TOX2: variants seen among roughly 807,000 people sequenced by gnomAD.
The protein encoded by TOX2 is TOX high mobility group box family member 2, also known as granulosa cell HMG box 1.
In TOX2, 15 loss-of-function variants were observed where a neutral mutation model predicts 47.4. That is an observed-to-expected ratio of 0.32 (90% CI 0.21 to 0.49). TOX2 has a LOEUF of 0.49. TOX2 is among the 20% of genes least tolerant of loss of function. The pLI is 0.99. For missense variants in TOX2, 622 were observed against 673.1 expected (o/e 0.92, Z 0.84); for synonymous variants, 290 against 296.6 (o/e 0.98, Z 0.23).
At chr20:44,012,052 G>A (rs1325226881) in intron 3 of TOX2, among the ~76,000 whole-genome samples, 1 of 152,178 alleles carries the variant, frequency 6.6e-6, no homozygotes, top group Admixed American at 6.5e-5. Flanking sequence ...GATATATTTT[G>A]CCGGTTTAAT....
chr20:44,005,841 A>G (rs1299663765), intron 2 of TOX2, among the ~76,000 whole-genome samples: 1 of 152,088 alleles, frequency 6.6e-6, no homozygotes, highest in Non-Finnish European at 1.5e-5. Context: ...TTGTGGTGAA[A>G]TATTGAGCTC....
chr20:43,976,673 G>A (rs916941992), intron 2 of TOX2, among the ~76,000 whole-genome samples: 1 of 152,148 alleles, frequency 6.6e-6, no homozygotes, highest in African/African-American at 2.4e-5. Context: ...ATAGCTCCTT[G>A]CAGCTCAGTG....
At chr20:43,973,105 C>A (rs1047729513) in intron 1 of TOX2, among the ~76,000 whole-genome samples, 1 of 152,228 alleles carries the variant, frequency 6.6e-6, no homozygotes, top group African/African-American at 2.4e-5. Flanking sequence ...TTATAGAGGG[C>A]AGAAAGGTTT....
chr20:44,023,287 G>C (rs1331939493), intron 3 of TOX2, among the ~76,000 whole-genome samples: 1 of 151,496 alleles, frequency 6.6e-6, no homozygotes, highest in Admixed American at 6.6e-5. Context: ...AAATTTAGCT[G>C]GATGTGGTGG....
intron 5 of TOX2, among the ~76,000 whole-genome samples, chr20:44,061,628 C>T (rs1368422428): frequency 6.6e-6 from 1 of 151,890 alleles, no homozygotes; most frequent in African/African-American, 2.4e-5. Context: ...AGCAATCAGA[C>T]AAGAGAAAGA....
At chr20:43,955,378 G>T (rs1371383611) in intron 1 of TOX2, 109 of 901,240 alleles carry the variant, frequency 1.2e-4, no homozygotes, top group Non-Finnish European at 1.4e-4. Flanking sequence ...CTGGCTTCTG[G>T]TTTCTTGGCA....
intron 1 of TOX2, among the ~76,000 whole-genome samples, chr20:43,928,002 G>A (rs1183930154): frequency 1.3e-5 from 2 of 152,190 alleles, no homozygotes; most frequent in Admixed American, 6.5e-5. Context: ...GGGACCACCA[G>A]GCTAGGCTGG....
intron 1 of TOX2, among the ~76,000 whole-genome samples, chr20:43,954,927 C>A (rs2069640798): frequency 6.6e-6 from 1 of 152,166 alleles, no homozygotes; most frequent in Non-Finnish European, 1.5e-5. Context: ...GAGGGACAGC[C>A]TTCTAGCACG....
At chr20:44,064,640 C>A in intron 5 of TOX2, 137 bp from the exon 6 acceptor site, 1 of 767,706 alleles carries the variant, frequency 1.3e-6, no homozygotes, top group Non-Finnish European at 2.2e-6. Flanking sequence ...GGGCCAGTGG[C>A]TGGCTGACTC....
At chr20:43,946,904 G>A (rs1041921147) in intron 1 of TOX2, among the ~76,000 whole-genome samples, 4 of 152,204 alleles carry the variant, frequency 2.6e-5, no homozygotes, top group Non-Finnish European at 4.4e-5. Context: ...ATTTATCACA[G>A]CCATTGTTGA....
chr20:43,987,365 G>A (rs79465216), intron 2 of TOX2, among the ~76,000 whole-genome samples: 345 of 152,304 alleles, frequency 2.3e-3, no homozygotes, highest in African/African-American at 7.8e-3. Flanking sequence ...ACCCTAGAGG[G>A]GGGTGGGGAG....
chr20:43,980,041 A>G (rs1197630318), intron 2 of TOX2, among the ~76,000 whole-genome samples: 2 of 152,228 alleles, frequency 1.3e-5, no homozygotes, highest in African/African-American at 4.8e-5. Flanking sequence ...TACCCCAAAG[A>G]AAGGAAATCA....
chr20:43,916,333 G>A lies in TOX2; in HGVS notation c.99+1343G>A, dbSNP rs13043229. On this transcript the variant is annotated intron_variant, in intron 1 of 8. Coordinates refer to ENST00000341197, the MANE Select transcript of TOX2 (RefSeq NM_001098797.2). This position sits in a 1 kb window ranked among gnomAD's most constrained non-coding sequence, Gnocchi z 5.0. ...AGAGGCGTCCCGGCGCGGATCCCGG[G>A]GCCTCCCGGGCTGGGCCTCCCTGAG... The A allele has an allele frequency of 0.28, 210,665 of 759,896 alleles. 29,590 individuals are homozygous for A. Among genetic ancestry groups the A allele is most frequent in the East Asian group, 0.47 (3,683 of 7,768 alleles). The allele number at this position is 759,896 out of a possible 1,614,324, so 47.1% of individuals were successfully genotyped here. A position where few individuals can be genotyped will look rare whatever the true frequency, so the allele number is the denominator to read the frequency against.
chr20:43,917,125 T>G (rs1311716740), intron 1 of TOX2, among the ~76,000 whole-genome samples: 1 of 152,154 alleles, frequency 6.6e-6, no homozygotes, highest in Non-Finnish European at 1.5e-5. Flanking sequence ...GACTTTGCAC[T>G]TGGATGTGAA....
intron 5 of TOX2, among the ~76,000 whole-genome samples, chr20:44,063,448 C>CA (rs201703177): frequency 0.015 from 2,302 of 152,034 alleles, 35 homozygotes; most frequent in Middle Eastern, 0.051. Context: ...TGTCCATAAT[C>CA]AAAAAATAGA....
chr20:43,939,334 TTCA>T (rs1307282801), intron 1 of TOX2, among the ~76,000 whole-genome samples: 17 of 152,162 alleles, frequency 1.1e-4, no homozygotes, highest in Non-Finnish European at 2.2e-4. Context: ...GCATAGGGAT[TTCA>T]TCATATTGGG....
At chr20:44,030,958 C>G (rs1356849717) in intron 3 of TOX2, among the ~76,000 whole-genome samples, 1 of 152,176 alleles carries the variant, frequency 6.6e-6, no homozygotes, top group East Asian at 1.9e-4. Context: ...TCCTTAAAAA[C>G]CCTCAGTAAC....
chr20:44,060,018 A>C (rs1401863238), intron 5 of TOX2, among the ~76,000 whole-genome samples: 2 of 152,216 alleles, frequency 1.3e-5, no homozygotes, highest in Non-Finnish European at 2.9e-5. Flanking sequence ...GACTCACCTG[A>C]CACATAAGGA....
chr20:43,938,298 C>T (rs975145638), intron 1 of TOX2, among the ~76,000 whole-genome samples: 5 of 152,212 alleles, frequency 3.3e-5, no homozygotes, highest in Non-Finnish European at 5.9e-5. Context: ...CAACTCCACC[C>T]GCTGTGGGAT....
Sources: allele counts gnomAD v4.1 joint callset (sites outside exome capture counted in the v4.1 genomes callset), GRCh38; gene constraint gnomAD v4.1.1; non-coding constraint Gnocchi (gnomAD v3.1); transcripts MANE v1.5; gene names NCBI Gene and HGNC (gene_info 2026-07-23, HGNC 2026-07-21).